ASAP1: variants seen among roughly 807,000 people sequenced by gnomAD.
ASAP1 encodes the protein ArfGAP with SH3 domain, ankyrin repeat and PH domain 1.
In ASAP1, 43 loss-of-function variants were observed where a neutral mutation model predicts 145.2. The observed-to-expected ratio is 0.30, with a 90% CI of 0.23 to 0.38. ASAP1 has a LOEUF of 0.38. ASAP1 is among the 10% of genes least tolerant of loss of function. The pLI is 1.00. For synonymous variants in ASAP1, 546 were observed against 515.5 expected (o/e 1.06, Z -0.80); for missense variants, 1,018 against 1,355.3 (o/e 0.75, Z 3.91).
chr8:130,295,327 A>C (rs1486894886), intron 3 of ASAP1, among the ~76,000 whole-genome samples: 2 of 152,112 alleles, frequency 1.3e-5, no homozygotes, highest in African/African-American at 4.8e-5. Context: ...TAAAACTCTG[A>C]AGATAGTAAC....
intron 5 of ASAP1, among the ~76,000 whole-genome samples, chr8:130,198,564 G>T (rs1410510146): frequency 6.6e-6 from 1 of 152,172 alleles, no homozygotes; most frequent in African/African-American, 2.4e-5. Flanking sequence ...AGGCAGAACA[G>T]CATGAATTTT....
At chr8:130,187,610 G>A (rs926327148) in intron 6 of ASAP1, among the ~76,000 whole-genome samples, 5 of 151,930 alleles carry the variant, frequency 3.3e-5, no homozygotes, top group African/African-American at 1.2e-4. Flanking sequence ...TAGACATGGG[G>A]GTCTTATTAT....
At chr8:130,318,871 A>C (rs1823830604) in intron 3 of ASAP1, among the ~76,000 whole-genome samples, 1 of 152,212 alleles carries the variant, frequency 6.6e-6, no homozygotes. Context: ...AGGACAAAGC[A>C]ATGGGGCCTT....
intron 5 of ASAP1, 53 bp from the exon 6 acceptor site, chr8:130,188,236 A>G: frequency 7.2e-7 from 1 of 1,392,810 alleles, no homozygotes; most frequent in Non-Finnish European, 1.0e-6. Context: ...GTCCACATGA[A>G]CAATAAAACC....
intron 1 of ASAP1, among the ~76,000 whole-genome samples, chr8:130,430,830 C>T (rs76890518): frequency 0.017 from 2,552 of 152,282 alleles, 66 homozygotes; most frequent in African/African-American, 0.059. Context: ...CTTCTCTCTT[C>T]TCAAGCTCAG....
chr8:130,247,043 A>G (rs1818892942), intron 3 of ASAP1: 1 of 152,200 alleles, frequency 6.6e-6, no homozygotes, highest in Non-Finnish European at 1.5e-5. Flanking sequence ...GGCTACAAAC[A>G]CAAGCTTTGA....
At chr8:130,411,846 G>A (rs2138645076) in intron 1 of ASAP1, among the ~76,000 whole-genome samples, 1 of 152,280 alleles carries the variant, frequency 6.6e-6, no homozygotes, top group Non-Finnish European at 1.5e-5. Context: ...ACTGACCACT[G>A]TCCCAGTGAC....
At chr8:130,350,147 A>G (rs1825915504) in intron 3 of ASAP1, among the ~76,000 whole-genome samples, 1 of 152,188 alleles carries the variant, frequency 6.6e-6, no homozygotes, top group Admixed American at 6.5e-5. Flanking sequence ...ACCAGGACTT[A>G]ATGACAGCAG....
chr8:130,313,530 T>TGTGG (rs1206915292), intron 3 of ASAP1, among the ~76,000 whole-genome samples: 1 of 152,192 alleles, frequency 6.6e-6, no homozygotes. Context: ...AGACTACCCT[T>TGTGG]GTGGGATTCT....
intron 3 of ASAP1, among the ~76,000 whole-genome samples, chr8:130,322,029 G>C (rs1824038053): frequency 6.6e-6 from 1 of 152,168 alleles, no homozygotes; most frequent in South Asian, 2.1e-4. Flanking sequence ...TGCTGAGCTG[G>C]GAATGCAAAT....
chr8:130,245,185 C>A (rs1818775933), intron 3 of ASAP1, among the ~76,000 whole-genome samples: 1 of 152,056 alleles, frequency 6.6e-6, no homozygotes, highest in Non-Finnish European at 1.5e-5. Flanking sequence ...AATGACCAAC[C>A]TAAAATAAAA....
At chr8:130,400,285 C>G (rs1315624584) in intron 2 of ASAP1, among the ~76,000 whole-genome samples, 1 of 152,170 alleles carries the variant, frequency 6.6e-6, no homozygotes, top group Non-Finnish European at 1.5e-5. Context: ...TTAAGATTCT[C>G]AGACTCTACA....
intron 2 of ASAP1, among the ~76,000 whole-genome samples, chr8:130,371,033 G>A (rs954139686): frequency 3.9e-5 from 6 of 152,192 alleles, no homozygotes; most frequent in African/African-American, 1.4e-4. Flanking sequence ...TCTTAAAAGT[G>A]CAAATTTTAT....
At chr8:130,091,472 G>A (rs758744905) in intron 25 of ASAP1, among the ~76,000 whole-genome samples, 18 of 152,344 alleles carry the variant, frequency 1.2e-4, no homozygotes, top group Non-Finnish European at 2.5e-4. Flanking sequence ...TGAAGATAGA[G>A]TGGCAGGAGA....
At chr8:130,208,239 C>T (rs1816352333) in intron 5 of ASAP1, among the ~76,000 whole-genome samples, 1 of 152,184 alleles carries the variant, frequency 6.6e-6, no homozygotes, top group African/African-American at 2.4e-5. Context: ...TGCAAGACAA[C>T]TAGGCCACAG....
intron 3 of ASAP1, 111 bp from the exon 4 acceptor site, chr8:130,237,105 C>A: frequency 1.4e-6 from 1 of 717,272 alleles, no homozygotes; most frequent in South Asian, 2.2e-5. Flanking sequence ...AAAGCAACAG[C>A]AAACTGACAT....
At chr8:130,281,607 A>G (rs1821250410) in intron 3 of ASAP1, among the ~76,000 whole-genome samples, 1 of 152,238 alleles carries the variant, frequency 6.6e-6, no homozygotes, top group Non-Finnish European at 1.5e-5. Context: ...GGGGGTTAAA[A>G]AAACAAACAA....
At chr8:130,058,216 A>G (rs2097408727) in intron 28 of ASAP1, 140 bp from the exon 29 acceptor site, 1 of 897,066 alleles carries the variant, frequency 1.1e-6, no homozygotes, top group East Asian at 2.5e-5. Flanking sequence ...AAGGGCGGGA[A>G]GAAGAGTGTC....
chr8:130,251,514 G>A (rs1241035621), intron 3 of ASAP1, among the ~76,000 whole-genome samples: 2 of 152,024 alleles, frequency 1.3e-5, no homozygotes, highest in South Asian at 2.1e-4. Flanking sequence ...AGCTAAAGAG[G>A]TCTGACAATT....
Sources: allele counts gnomAD v4.1 joint callset (sites outside exome capture counted in the v4.1 genomes callset), GRCh38; gene constraint gnomAD v4.1.1; transcripts MANE v1.5; gene names NCBI Gene and HGNC (gene_info 2026-07-23, HGNC 2026-07-21).